The following METRNL variants were observed in gnomAD, a reference collection of about 807,000 sequenced individuals.
The protein encoded by METRNL is meteorin like, glial cell differentiation regulator.
In METRNL, 9 loss-of-function variants were observed where a neutral mutation model predicts 17.4. The observed-to-expected ratio is 0.52, with a 90% CI of 0.31 to 0.90. The LOEUF (loss-of-function observed/expected upper bound fraction) is 0.90, where lower values mean the gene tolerates loss of function less well. Among genes scored for constraint, METRNL ranks in the 40% least tolerant of loss-of-function variants. The pLI is 0.05. For synonymous variants in METRNL, 215 were observed against 199.3 expected (o/e 1.08, Z -0.66); for missense variants, 408 against 430.7 (o/e 0.95, Z 0.47).
Position 83,079,899 on chromosome 17 carries a change from G to A in METRNL, c.84G>A (p.Pro28=), listed in dbSNP as rs1009343717. 9 of 990,540 alleles carry A rather than the reference G, an allele frequency of 9.1e-6. No homozygotes were observed. The highest frequency in any genetic ancestry group is 1.1e-4 in the East Asian group (1 of 9,096). 61.4% of individuals were successfully genotyped at this position (990,540 alleles called of 1,614,324 possible). Residue 28 remains proline (P), a synonymous_variant, in exon 1 of 4, where the codon CCG becomes CCA. Transcript: ENST00000320095. ...RPPAPGPPPP[P]LPLLLLLLAG... ...CCGCCCCGGGCCCGCCCCCGCCGCC[G>A]CTCCCGCTGCTGCTCCTGCTCCTGG...
chr17:83,083,230 C>G (rs181638826), intron 1 of METRNL, among the ~76,000 whole-genome samples: 1,753 of 152,302 alleles, frequency 0.012, 40 homozygotes, highest in African/African-American at 0.04. Context: ...TGTGGCTGTT[C>G]CCCTCGCCTG....
intron 2 of METRNL, among the ~76,000 whole-genome samples, chr17:83,092,819 A>AC (rs952421786): frequency 8.6e-5 from 13 of 151,584 alleles, no homozygotes. Flanking sequence ...GAGCACAAAG[A>AC]CCCCTCCCCA....
At chr17:83,083,763 C>G (rs1423188520) in intron 1 of METRNL, among the ~76,000 whole-genome samples, 3 of 152,208 alleles carry the variant, frequency 2.0e-5, no homozygotes, top group African/African-American at 7.2e-5. Flanking sequence ...ATATGTGATG[C>G]ATTTTCTCTG....
At chr17:83,087,147 C>T (rs949474102) in intron 2 of METRNL, among the ~76,000 whole-genome samples, 24 of 152,190 alleles carry the variant, frequency 1.6e-4, no homozygotes, top group African/African-American at 5.8e-4. Flanking sequence ...CTGCGCAGGT[C>T]TGTGGCCCCA....
chr17:83,090,838 T>C (rs2038124554), intron 2 of METRNL, among the ~76,000 whole-genome samples: 1 of 151,630 alleles, frequency 6.6e-6, no homozygotes, highest in African/African-American at 2.4e-5. Flanking sequence ...CCCCCAGTGC[T>C]CCCTCCTTGT....
At chr17:83,081,263 A>G (rs1217733046) in intron 1 of METRNL, among the ~76,000 whole-genome samples, 1 of 151,874 alleles carries the variant, frequency 6.6e-6, no homozygotes, top group Admixed American at 6.5e-5. Context: ...GCCCCCGCGG[A>G]GTGATTCAGC....
chr17:83,080,414 C>G (rs1600481582), intron 1 of METRNL, among the ~76,000 whole-genome samples: 1 of 150,576 alleles, frequency 6.6e-6, no homozygotes, highest in Admixed American at 6.6e-5. Flanking sequence ...TTTCGGGGAT[C>G]GGGCGCGGAC....
intron 1 of METRNL, chr17:83,084,703 G>T: frequency 1.8e-6 from 1 of 564,522 alleles, no homozygotes; most frequent in Non-Finnish European, 3.1e-6. Context: ...GCCCCACCAT[G>T]GCTCTTGGTG....
chr17:83,089,386 C>T (rs144031898), intron 2 of METRNL, among the ~76,000 whole-genome samples: 4,511 of 152,306 alleles, frequency 0.03, 81 homozygotes, highest in Non-Finnish European at 0.047. Flanking sequence ...GTGAGTCCCT[C>T]TGGCTGTCCT....
At chr17:83,092,102 C>G (rs949332026) in intron 2 of METRNL, among the ~76,000 whole-genome samples, 1 of 152,212 alleles carries the variant, frequency 6.6e-6, no homozygotes, top group Non-Finnish European at 1.5e-5. Flanking sequence ...TCCGTGCTTT[C>G]CGCATTCTCT....
chr17:83,091,495 T>G (rs1414813565), intron 2 of METRNL, among the ~76,000 whole-genome samples: 1 of 152,232 alleles, frequency 6.6e-6, no homozygotes, highest in Non-Finnish European at 1.5e-5. Flanking sequence ...GTGCAGGCCC[T>G]GAGGGTCCAT....
Position 83,079,942 on chromosome 17 carries a change from G to C in METRNL, c.127G>C (p.Ala43Pro). Residue 43 changes from alanine (A) to proline (P), a missense_variant, in exon 1 of 4, where the codon GCG (alanine) becomes CCG (proline). By Grantham distance (27) the Ala-to-Pro change is conservative. Transcript: ENST00000320095. ...LLLLAGLLGG[A>P]GAQYSSDRCS... Reference sequence around the variant, plus strand: ...GCTCCTGGCCGGGCTGCTGGGCGGCGCGGGCGCGCAGTACTCCAGCGACCG... The same window carrying C: ...GCTCCTGGCCGGGCTGCTGGGCGGCCCGGGCGCGCAGTACTCCAGCGACCG... 1 of 1,013,230 alleles carries C rather than the reference G, an allele frequency of 9.9e-7. No homozygotes were observed. The highest frequency in any genetic ancestry group is 4.5e-5 in the South Asian group (1 of 22,400). 62.8% of individuals were successfully genotyped at this position (1,013,230 alleles called of 1,614,324 possible). A position where few individuals can be genotyped will look rare whatever the true frequency, so the allele number is the denominator to read the frequency against.
chr17:83,080,951 C>G (rs1034679910), intron 1 of METRNL, among the ~76,000 whole-genome samples: 1 of 151,382 alleles, frequency 6.6e-6, no homozygotes, highest in Non-Finnish European at 1.5e-5. Context: ...AGAGCCGGTG[C>G]GGGGCGGGTG....
chr17:83,089,997 C>G (rs969168562), intron 2 of METRNL, among the ~76,000 whole-genome samples: 1 of 152,040 alleles, frequency 6.6e-6, no homozygotes, highest in Admixed American at 6.5e-5. Flanking sequence ...TCCTCCCCCT[C>G]GGCCGTCCGC....
At position 83,080,601 on chromosome 17, in the gene METRNL, C is replaced by CTTTT. The variant is rs563834169; in HGVS notation, c.170+636_170+639dup. On this transcript the variant is annotated intron_variant, in intron 1 of 3. Coordinates refer to ENST00000320095, the MANE Select transcript of METRNL (RefSeq NM_001004431.3). ...CCCCACCCGCGGTGGCGGCCGAGGA[C>CTTTT]TTTTTTTTTTTTTTTTTTTTTTTGA... Among the ~76,000 whole-genome samples, 138 of 52,166 alleles carry CTTTT rather than the reference C, an allele frequency of 2.6e-3. 2 individuals carry two copies. Among genetic ancestry groups the CTTTT allele is most frequent in the African/African-American group, 9.7e-3 (130 of 13,414 alleles). The allele number at this position is 52,166 out of a possible 152,430, so 34.2% of individuals were successfully genotyped here.
chr17:83,091,616 C>G (rs180851078), intron 2 of METRNL, among the ~76,000 whole-genome samples: 2 of 152,222 alleles, frequency 1.3e-5, no homozygotes. Flanking sequence ...GCAGCTGGCT[C>G]GGGCCTGTAC....
chr17:83,087,244 C>A (rs2038062535), intron 2 of METRNL, among the ~76,000 whole-genome samples: 1 of 152,122 alleles, frequency 6.6e-6, no homozygotes, highest in South Asian at 2.1e-4. Flanking sequence ...ACTTGGTGAC[C>A]CTGCGGCATC....
intron 2 of METRNL, among the ~76,000 whole-genome samples, chr17:83,088,018 C>G (rs887727049): frequency 1.3e-5 from 2 of 152,206 alleles, no homozygotes; most frequent in African/African-American, 4.8e-5. Flanking sequence ...AATCGGCTTC[C>G]TTGAGTAAAC....
At chr17:83,087,763 G>GCGCCAGCCC (rs1356144003) in intron 2 of METRNL, among the ~76,000 whole-genome samples, 2 of 151,740 alleles carry the variant, frequency 1.3e-5, no homozygotes, top group African/African-American at 4.8e-5. Flanking sequence ...GAGCCGGGCA[G>GCGCCAGCCC]CGCCAGCCCC....
Sources: gnomAD v4.1 joint callset for allele counts (sites outside exome capture counted in the v4.1 genomes callset) on GRCh38, gnomAD v4.1.1 for gene constraint, MANE v1.5 for transcripts, NCBI Gene and HGNC (gene_info 2026-07-23, HGNC 2026-07-21) for gene names.